Variants in CLIP4 observed in about 807,000 individuals in gnomAD.
CLIP4 encodes CAP-Gly domain containing linker protein family member 4, also known as CAP-Gly domain-containing linker protein 4.
A neutral mutation model predicts 73.1 loss-of-function variants in CLIP4; 47 were observed. The observed-to-expected ratio is 0.64, with a 90% confidence interval of 0.51 to 0.82. The LOEUF is 0.82. Ranked by LOEUF, CLIP4 falls within the 40% of genes least tolerant of loss-of-function variation. CLIP4 has a pLI of 0.00. For missense variants in CLIP4, 874 were observed against 852.9 expected, an observed-to-expected ratio of 1.02 and a Z score of -0.31; for synonymous variants, 306 against 295.4, an observed-to-expected ratio of 1.04 and a Z score of -0.37.
intron 1 of CLIP4, among the ~76,000 whole-genome samples, chr2:29,104,484 G>T (rs887025325): frequency 5.3e-5 from 8 of 151,870 alleles, no homozygotes; most frequent in African/African-American, 1.9e-4. Context: ...ACAGGGTTTT[G>T]CTATGTGGCC....
At position 29,115,871 on chromosome 2, in the gene CLIP4, C is replaced by T. The variant is rs1476318644; in HGVS notation, c.-16+206C>T. ...GCGGGGAGGCCTTCTCGGGGCGGAGCGGCCCACCCGGCGGGGATGGGGACT... is the reference window on the plus strand; with the variant it reads ...GCGGGGAGGCCTTCTCGGGGCGGAGTGGCCCACCCGGCGGGGATGGGGACT... On this transcript the variant is annotated intron_variant, in intron 1 of 15. Transcript: ENST00000320081. This position sits in a 1 kb window ranked among gnomAD's most constrained non-coding sequence, Gnocchi z 5.1. 6.6e-6 allele frequency among the ~76,000 whole-genome samples: 1 copy of T among 151,878 alleles called. No homozygotes were observed. The highest frequency in any genetic ancestry group is 1.5e-5 in the Non-Finnish European group (1 of 67,908).
rs778876189 is a variant in CLIP4, at chr2:29,121,364, C to G, written c.-15-10C>G. 9.0e-6 allele frequency: 14 copies of G among 1,562,190 alleles called. No homozygotes were observed. The highest frequency in any genetic ancestry group is 1.0e-5 in the Non-Finnish European group (12 of 1,161,724). On this transcript the variant is annotated splice_polypyrimidine_tract_variant and intron_variant, in intron 1 of 15. Transcript: ENST00000320081. ...AAGTAGAAACACTTTTTTTTTCTTTCTTATTATAGGTGGCTTTCTAGAAGA... is the reference window on the plus strand; with the variant it reads ...AAGTAGAAACACTTTTTTTTTCTTTGTTATTATAGGTGGCTTTCTAGAAGA...
chr2:29,145,245 G>A lies in CLIP4; in HGVS notation c.899G>A (p.Arg300Lys), dbSNP rs765309019. 241 of 1,613,366 alleles carry A rather than the reference G, an allele frequency of 1.5e-4. 1 individual carries two copies. Among genetic ancestry groups the A allele is most frequent in the African/African-American group, 4.0e-5 (3 of 74,872 alleles). Residue 300 changes from arginine to lysine, a missense_variant, in exon 8 of 16, where the codon AGA becomes AAA. Physicochemically the swap from Arg to Lys is conservative, Grantham distance 26. Coordinates refer to ENST00000320081, the MANE Select transcript of CLIP4 (RefSeq NM_024692.6). ...VIAGQKVGTL[R>K]FCGTTEFASG... ...TATTTTCTTTAGGTTGGTACATTAA[G>A]ATTTTGTGGAACAACTGAATTTGCA...
intron 14 of CLIP4, among the ~76,000 whole-genome samples, chr2:29,172,397 G>C (rs545940813): frequency 6.6e-6 from 1 of 152,174 alleles, no homozygotes; most frequent in African/African-American, 2.4e-5. Flanking sequence ...TAACTTTACT[G>C]GGTGTAGAAT....
intron 14 of CLIP4, among the ~76,000 whole-genome samples, chr2:29,170,993 T>G (rs1262662790): frequency 6.6e-6 from 1 of 152,246 alleles, no homozygotes; most frequent in Non-Finnish European, 1.5e-5. Context: ...CTGTCTTGAT[T>G]ACTGTAGCTT....
chr2:29,128,662 G>A (rs751393751), intron 2 of CLIP4, among the ~76,000 whole-genome samples: 1 of 152,234 alleles, frequency 6.6e-6, no homozygotes, highest in South Asian at 2.1e-4. Context: ...TGCTAGTTAT[G>A]CATTATTTTG....
upstream of CLIP4, among the ~76,000 whole-genome samples, chr2:29,112,067 G>A (rs1483781208): frequency 1.3e-5 from 2 of 152,226 alleles, no homozygotes; most frequent in African/African-American, 2.4e-5. Context: ...TTGTGTAAAT[G>A]GAGGTAGCAT....
chr2:29,107,479 C>T (rs909162242), intron 1 of CLIP4, among the ~76,000 whole-genome samples: 21 of 142,868 alleles, frequency 1.5e-4, no homozygotes, highest in Non-Finnish European at 2.2e-4. Context: ...TCATGCCATT[C>T]TCCTGCCTCA....
intron 11 of CLIP4, among the ~76,000 whole-genome samples, chr2:29,158,223 T>G (rs1315645438): frequency 6.6e-6 from 1 of 152,196 alleles, no homozygotes; most frequent in Admixed American, 6.5e-5. Flanking sequence ...TTTCTTTATG[T>G]TGTGAGGAGC....
At chr2:29,139,529 T>C (rs1665611523) in intron 6 of CLIP4, among the ~76,000 whole-genome samples, 2 of 152,138 alleles carry the variant, frequency 1.3e-5, no homozygotes, top group South Asian at 4.1e-4. Flanking sequence ...TCCTCCTTGG[T>C]TTTTTCATAT....
chr2:29,132,932 A>C (rs376531058), intron 4 of CLIP4, among the ~76,000 whole-genome samples: 1 of 152,368 alleles, frequency 6.6e-6, no homozygotes, highest in Non-Finnish European at 1.5e-5. Context: ...TTACACCTGT[A>C]ATCCCAACAC....
chr2:29,152,268 T>C lies in CLIP4; in HGVS notation c.1022-417T>C, dbSNP rs569853145. Among the ~76,000 whole-genome samples the C allele has an allele frequency of 3.3e-5, 5 of 152,198 alleles. No homozygotes were observed. In the South Asian group the frequency reaches 6.2e-4, roughly 19 times the overall value. On this transcript the variant is annotated intron_variant, in intron 8 of 15. Coordinates refer to ENST00000320081, the MANE Select transcript of CLIP4 (RefSeq NM_024692.6). ...TTTTATGCTCTATGGCTCACTGTTA[T>C]TTGCCAATTGCTTAGAAATGATAGA...
At chr2:29,172,911 C>A (rs1052458467) in intron 14 of CLIP4, among the ~76,000 whole-genome samples, 2 of 151,954 alleles carry the variant, frequency 1.3e-5, no homozygotes, top group Admixed American at 1.3e-4. Flanking sequence ...TTGCAAGTTA[C>A]CATTGCAATT....
intron 15 of CLIP4, among the ~76,000 whole-genome samples, chr2:29,177,407 CAAAA>C (rs58183066): frequency 2.9e-5 from 4 of 136,562 alleles, no homozygotes; most frequent in African/African-American, 8.2e-5. Flanking sequence ...GACTCCGTCT[CAAAA>C]AAAAAAAAAA....
Position 29,181,614 on chromosome 2 carries a change from C to T in CLIP4, c.1839C>T (p.Thr613=), listed in dbSNP as rs145363373. The change falls in exon 16 of 16, where the codon ACC becomes ACT. Residue 613 remains threonine, a synonymous_variant. Transcript: ENST00000320081. ...ALRRSWSSTP[T]AGGIEGSVKL... The stretch of plus-strand genomic sequence containing the variant: ...GTCGCAGTTGGAGCAGCACCCCCAC[C>T]GCAGGTGGCATTGAAGGGAGCGTGA... 6.5e-4 allele frequency: 1,054 copies of T among 1,613,336 alleles called. 1 individual carries two copies. The highest frequency in any genetic ancestry group is 8.5e-4 in the Non-Finnish European group (1,004 of 1,179,352).
rs1667440842 is a variant in CLIP4, at chr2:29,163,867, G to A, written c.1571G>A (p.Gly524Asp). 6.2e-7 allele frequency: 1 copy of A among 1,613,506 alleles called. No homozygotes were observed. Among genetic ancestry groups the A allele is most frequent in the Admixed American group, 1.7e-5 (1 of 59,966 alleles). Reference sequence around the variant, plus strand: ...GGTATAGAGCTTGAAAAACCCCATGGCAAGAATGATGGTTCAGTTGGAGGT... The same window carrying A: ...GGTATAGAGCTTGAAAAACCCCATGACAAGAATGATGGTTCAGTTGGAGGT... ...WYGIELEKPH[G>D]KNDGSVGGVQ... is the part of the protein sequence containing the mutation. Residue 524 changes from glycine (G) to aspartate (D), a missense_variant, in exon 13 of 16, where the codon GGC (glycine) becomes GAC (aspartate). Physicochemically the swap from Gly to Asp is moderately conservative, Grantham distance 94. Coordinates refer to ENST00000320081, the MANE Select transcript of CLIP4 (RefSeq NM_024692.6).
At position 29,181,709 on chromosome 2, in the gene CLIP4, C is replaced by T. The variant is rs767562193; in HGVS notation, c.1934C>T (p.Pro645Leu). The T allele has an allele frequency of 6.2e-7, 1 of 1,614,174 alleles. No homozygotes were observed. Among genetic ancestry groups the T allele is most frequent in the South Asian group, 1.1e-5 (1 of 91,082 alleles). ...NEMGTVRYVG[P>L]TDFASGIWLG... ...ATGGGTACTGTTAGGTATGTGGGCC[C>T]CACTGACTTTGCTTCAGGTATCTGG... The change falls in exon 16 of 16, where the codon CCC (proline) becomes CTC (leucine). Residue 645 changes from proline to leucine, a missense_variant. Pro to Leu is a moderately conservative substitution (Grantham distance 98, BLOSUM62 -3). Transcript: ENST00000320081.
At chr2:29,152,153 G>A (rs1159293579) in intron 8 of CLIP4, among the ~76,000 whole-genome samples, 4 of 152,186 alleles carry the variant, frequency 2.6e-5, no homozygotes, top group Non-Finnish European at 5.9e-5. Flanking sequence ...TAGTCTGGAA[G>A]AGAGATAAGA....
intron 14 of CLIP4, among the ~76,000 whole-genome samples, chr2:29,172,685 GA>G (rs1163591430): frequency 6.6e-6 from 1 of 151,818 alleles, no homozygotes; most frequent in Non-Finnish European, 1.5e-5. Flanking sequence ...AGCTCCTTCT[GA>G]AAGTCTGTTT....
Sources: allele counts gnomAD v4.1 joint callset (sites outside exome capture counted in the v4.1 genomes callset), GRCh38; gene constraint gnomAD v4.1.1; non-coding constraint Gnocchi (gnomAD v3.1); transcripts MANE v1.5; gene names NCBI Gene and HGNC (gene_info 2026-07-23, HGNC 2026-07-21).